The following PHACTR1 variants were observed in gnomAD, a reference collection of about 807,000 sequenced individuals.
PHACTR1 encodes phosphatase and actin regulator 1, also known as RPEL repeat containing 1.
Under a neutral mutation model 69.2 loss-of-function variants are expected in PHACTR1, and 16 were observed. The observed-to-expected ratio is 0.23, with a 90% CI of 0.16 to 0.35. The LOEUF is 0.35. PHACTR1 is among the 10% of genes least tolerant of loss of function. The pLI, the probability that PHACTR1 is intolerant of heterozygous loss-of-function variation, is 1.00. For missense variants in PHACTR1, 510 were observed against 734.7 expected (o/e 0.69, Z 3.54); for synonymous variants, 312 against 284.5 (o/e 1.10, Z -0.97).
intron 4 of PHACTR1, among the ~76,000 whole-genome samples, chr6:12,846,512 T>A (rs1191963453): frequency 6.6e-6 from 1 of 152,152 alleles, no homozygotes; most frequent in Non-Finnish European, 1.5e-5. Context: ...AGACCTTGAG[T>A]CTAAGATTCA....
rs70987094 is a variant in PHACTR1, at chr6:12,741,768, C to CAA, written c.104-7862_104-7861dup. On this transcript the variant is annotated intron_variant, in intron 3 of 14. Transcript: ENST00000332995. ...ATGTTAGAATCTGCTTGTCAAACTC[C>CAA]AAAAAAAAAAAAAAATCACACACTG... Among the ~76,000 whole-genome samples the CAA allele has an allele frequency of 4.6e-3, 665 of 143,428 alleles. 3 individuals are homozygous for CAA. Among genetic ancestry groups the CAA allele is most frequent in the African/African-American group, 9.7e-3 (381 of 39,138 alleles). The allele number at this position is 143,428 out of a possible 152,430, so 94.1% of individuals were successfully genotyped here. A position where few individuals can be genotyped will look rare whatever the true frequency, so the allele number is the denominator to read the frequency against.
intron 4 of PHACTR1, among the ~76,000 whole-genome samples, chr6:12,928,334 A>C (rs1012343553): frequency 2.0e-5 from 3 of 152,102 alleles, no homozygotes; most frequent in Non-Finnish European, 4.4e-5. Context: ...CTGCTGAACG[A>C]AACCCCTCAA....
intron 5 of PHACTR1, among the ~76,000 whole-genome samples, chr6:13,086,083 T>TAAAAAAAAAAAAAAAAAAAAAAAACAA (rs776154642): frequency 3.3e-5 from 2 of 60,266 alleles, no homozygotes; most frequent in African/African-American, 8.4e-5. Context: ...TACACATTTC[T>TAAAAAAAAAAAAAAAAAAAAAAAACAA]AAAAAAAAAA....
intron 4 of PHACTR1, among the ~76,000 whole-genome samples, chr6:12,878,058 A>G (rs1782716791): frequency 6.6e-6 from 1 of 152,196 alleles, no homozygotes; most frequent in Non-Finnish European, 1.5e-5. Context: ...CTAAGTGTTC[A>G]TTGCTCTTTG....
chr6:12,791,524 C>G (rs1561885842), intron 4 of PHACTR1, among the ~76,000 whole-genome samples: 1 of 152,208 alleles, frequency 6.6e-6, no homozygotes, highest in Non-Finnish European at 1.5e-5. Context: ...GAGATGCACA[C>G]TCACTAACCC....
chr6:12,778,106 A>T (rs1171588266), intron 4 of PHACTR1, among the ~76,000 whole-genome samples: 4 of 152,274 alleles, frequency 2.6e-5, no homozygotes, highest in Admixed American at 2.0e-4. Flanking sequence ...AAAAGAAAAA[A>T]AAAATGAATT....
chr6:13,003,017 G>A (rs1383438592), intron 4 of PHACTR1, among the ~76,000 whole-genome samples: 1 of 152,122 alleles, frequency 6.6e-6, no homozygotes, highest in Admixed American at 6.5e-5. Flanking sequence ...GGGCTTCTTT[G>A]CCTTTAAGAA....
chr6:12,997,935 A>T (rs1297762846), intron 4 of PHACTR1, among the ~76,000 whole-genome samples: 1 of 152,156 alleles, frequency 6.6e-6, no homozygotes, highest in Non-Finnish European at 1.5e-5. Context: ...CCTGGGCGAC[A>T]GAGCCAGACT....
chr6:13,189,602 G>A (rs1265893733), intron 7 of PHACTR1, among the ~76,000 whole-genome samples: 1 of 152,064 alleles, frequency 6.6e-6, no homozygotes, highest in African/African-American at 2.4e-5. Context: ...ATTTCACAAA[G>A]TTGCCCAGGC....
rs1759621837 is a variant in PHACTR1, at chr6:13,165,280, A to C, written c.496+4996A>C. On this transcript the variant is annotated intron_variant, in intron 6 of 14. Transcript: ENST00000332995. ...AATGTTAAACCAATTAATGGTGTAA[A>C]ATAATCTATAGTTCGACAGTTTATT... 2.0e-5 allele frequency among the ~76,000 whole-genome samples: 3 copies of C among 152,252 alleles called. No homozygotes were observed. In the South Asian group the frequency reaches 6.2e-4, roughly 31 times the overall value.
Position 13,179,446 on chromosome 6 carries a change from T to TGTGTGTGTGTATA in PHACTR1, c.497-3073_497-3072insGTGTGTGTGTATA, listed in dbSNP as rs1761876709. Among the ~76,000 whole-genome samples the TGTGTGTGTGTATA allele has an allele frequency of 1.2e-5, 1 of 85,330 alleles. No individual in the cohort carries two copies. Among genetic ancestry groups the TGTGTGTGTGTATA allele is most frequent in the African/African-American group, 5.2e-5 (1 of 19,066 alleles). 56.0% of individuals were successfully genotyped at this position (85,330 alleles called of 152,430 possible). On this transcript the variant is annotated intron_variant, in intron 6 of 14. Transcript: ENST00000332995. The surrounding 1 kb of genome is among the most constrained non-coding windows in gnomAD (Gnocchi z 4.2). ...TGTGTGTGTGTGTGTGTGTGTGTGTTTAAAAATGTCATAATAAAAAATTTA... is the reference window on the plus strand; with the variant it reads ...TGTGTGTGTGTGTGTGTGTGTGTGTTGTGTGTGTGTATATAAAAATGTCATAATAAAAAATTTA...
intron 6 of PHACTR1, among the ~76,000 whole-genome samples, chr6:13,169,524 G>A (rs1760290965): frequency 1.3e-5 from 2 of 152,200 alleles, no homozygotes; most frequent in South Asian, 2.1e-4. Flanking sequence ...GTAAAAAAAT[G>A]ACCTAGGAGT....
intron 4 of PHACTR1, among the ~76,000 whole-genome samples, chr6:12,794,783 T>G (rs1196463473): frequency 6.6e-6 from 1 of 152,190 alleles, no homozygotes; most frequent in Non-Finnish European, 1.5e-5. Context: ...GGCTGCCATA[T>G]TGCTCAGCAC....
chr6:13,070,934 A>G (rs568364155), intron 5 of PHACTR1, among the ~76,000 whole-genome samples: 1 of 152,272 alleles, frequency 6.6e-6, no homozygotes, highest in Non-Finnish European at 1.5e-5. Context: ...TAGGCAATGA[A>G]TTAATGAGGA....
chr6:13,185,688 G>A (rs945698525), intron 7 of PHACTR1, among the ~76,000 whole-genome samples: 1 of 152,200 alleles, frequency 6.6e-6, no homozygotes, highest in African/African-American at 2.4e-5. Flanking sequence ...ATTGAAGGCT[G>A]TGGTATAATC....
intron 5 of PHACTR1, among the ~76,000 whole-genome samples, chr6:13,062,131 C>T (rs1340339153): frequency 6.6e-6 from 1 of 152,178 alleles, no homozygotes; most frequent in African/African-American, 2.4e-5. Context: ...TCCTGATACT[C>T]ATGACAGCAT....
chr6:13,119,125 A>C (rs1166398742), intron 5 of PHACTR1, among the ~76,000 whole-genome samples: 1 of 152,156 alleles, frequency 6.6e-6, no homozygotes, highest in African/African-American at 2.4e-5. Flanking sequence ...GTTTTTTTAA[A>C]CTTCATTTCT....
intron 10 of PHACTR1, among the ~76,000 whole-genome samples, chr6:13,257,540 T>TAAAG (rs1391430075): frequency 6.6e-6 from 1 of 152,160 alleles, no homozygotes; most frequent in Non-Finnish European, 1.5e-5. Context: ...ATAAAATAAA[T>TAAAG]AAAGGTTAAA....
In PHACTR1 at chr6:13,257,883, T is replaced by A. The variant is rs186738281; in HGVS notation, c.1392-14977T>A. 7.0e-4 allele frequency among the ~76,000 whole-genome samples: 107 copies of A among 152,282 alleles called. 1 individual carries two copies. Among genetic ancestry groups the A allele is most frequent in the African/African-American group, 2.4e-3 (100 of 41,556 alleles). Reference sequence around the variant, plus strand: ...AGAGAGCTTGTAAAACCAGCACAGATGGCTGTGCCCCACTCTCAGACCTTC... The same window carrying A: ...AGAGAGCTTGTAAAACCAGCACAGAAGGCTGTGCCCCACTCTCAGACCTTC... On this transcript the variant is annotated intron_variant, in intron 10 of 14. Transcript: ENST00000332995.
Sources: gnomAD v4.1 joint callset for allele counts (sites outside exome capture counted in the v4.1 genomes callset) on GRCh38, gnomAD v4.1.1 for gene constraint, Gnocchi (gnomAD v3.1) non-coding constraint, MANE v1.5 for transcripts, NCBI Gene and HGNC (gene_info 2026-07-23, HGNC 2026-07-21) for gene names.